Variants in ANGPT1 observed in about 807,000 individuals in gnomAD.
ANGPT1 encodes the protein angiopoietin 1.
ANGPT1 carries 17 observed loss-of-function variants against 62.2 expected under a neutral mutation model. That is an observed-to-expected ratio of 0.27 (90% CI 0.19 to 0.41). The LOEUF (loss-of-function observed/expected upper bound fraction) is 0.41, where lower values mean the gene tolerates loss of function less well. Among genes scored for constraint, ANGPT1 ranks in the 10% least tolerant of loss-of-function variants. The pLI is 1.00. For synonymous variants in ANGPT1, 199 were observed against 198.9 expected, an observed-to-expected ratio of 1.00 and a Z score of 0.00; for missense variants, 478 against 594.9, an observed-to-expected ratio of 0.80 and a Z score of 2.04.
chr8:107,476,682 T>C (rs1812541372), intron 1 of ANGPT1, among the ~76,000 whole-genome samples: 1 of 152,164 alleles, frequency 6.6e-6, no homozygotes, highest in African/African-American at 2.4e-5. Context: ...TCTCATGTTA[T>C]GTAATATTAA....
At chr8:107,402,622 T>A (rs1418644437) in intron 1 of ANGPT1, among the ~76,000 whole-genome samples, 1 of 152,104 alleles carries the variant, frequency 6.6e-6, no homozygotes, top group African/African-American at 2.4e-5. Flanking sequence ...ATTTTACAGA[T>A]GAGCCAACTA....
chr8:107,294,069 A>C (rs951900063), intron 5 of ANGPT1, 32 bp from the exon 6 acceptor site: 2 of 1,537,232 alleles, frequency 1.3e-6, no homozygotes, highest in Non-Finnish European at 1.8e-6. Flanking sequence ...CAAGTAAAAA[A>C]TACTTCTACT....
At chr8:107,450,732 A>G (rs1046217160) in intron 1 of ANGPT1, among the ~76,000 whole-genome samples, 3 of 86,680 alleles carry the variant, frequency 3.5e-5, no homozygotes, top group South Asian at 3.8e-4. Context: ...GTGTGTGTGC[A>G]TGTGTGCATG....
At chr8:107,400,203 AT>A (rs1181784133) in intron 1 of ANGPT1, among the ~76,000 whole-genome samples, 5 of 152,188 alleles carry the variant, frequency 3.3e-5, no homozygotes, top group African/African-American at 1.2e-4. Flanking sequence ...TTCAAAGTAC[AT>A]TTGGTAAGTT....
intron 1 of ANGPT1, among the ~76,000 whole-genome samples, chr8:107,465,265 G>C (rs28521936): frequency 0.019 from 2,905 of 152,188 alleles, 76 homozygotes; most frequent in African/African-American, 0.064. Flanking sequence ...AAAAACAAAT[G>C]CATTGTTAAA....
chr8:107,319,145 T>A (rs1815092754), intron 4 of ANGPT1, among the ~76,000 whole-genome samples: 1 of 152,212 alleles, frequency 6.6e-6, no homozygotes, highest in South Asian at 2.1e-4. Context: ...AGCAATGGGA[T>A]CTTCGCTTGT....
intron 1 of ANGPT1, among the ~76,000 whole-genome samples, chr8:107,452,677 A>C (rs929650632): frequency 3.9e-5 from 6 of 152,062 alleles, no homozygotes; most frequent in Non-Finnish European, 7.4e-5. Context: ...AATTTTAAAA[A>C]ATACTTATAT....
chr8:107,440,961 C>T lies in ANGPT1; in HGVS notation c.297+56301G>A, dbSNP rs186314269. ...TCACCTTTTATGTACTTGGATAAAA[C>T]CAAAGGAAAGGAAATAAATCTAGCA... On this transcript the variant is annotated intron_variant, in intron 1 of 8. Coordinates refer to ENST00000517746, the MANE Select transcript of ANGPT1 (RefSeq NM_001146.5). Among the ~76,000 whole-genome samples, 5 of 152,224 alleles carry T rather than the reference C, an allele frequency of 3.3e-5. No individual in the cohort carries two copies. The East Asian group carries it at 9.7e-4, about 29-fold the overall frequency.
intron 1 of ANGPT1, among the ~76,000 whole-genome samples, chr8:107,352,005 AG>A: frequency 6.6e-6 from 1 of 152,274 alleles, no homozygotes; most frequent in Non-Finnish European, 1.5e-5. Context: ...AGGGAAGTTA[AG>A]TAAACTGTCT....
intron 1 of ANGPT1, among the ~76,000 whole-genome samples, chr8:107,425,663 C>T (rs1008326791): frequency 1.3e-5 from 2 of 152,170 alleles, no homozygotes; most frequent in African/African-American, 4.8e-5. Flanking sequence ...AGAGGCCGAT[C>T]CTGGGGTTAT....
At chr8:107,431,525 C>G (rs905350363) in intron 1 of ANGPT1, among the ~76,000 whole-genome samples, 2 of 152,192 alleles carry the variant, frequency 1.3e-5, no homozygotes, top group Non-Finnish European at 2.9e-5. Context: ...GTCCCGGAGC[C>G]TTGCACAGGC....
intron 6 of ANGPT1, among the ~76,000 whole-genome samples, chr8:107,285,243 T>C (rs1208402584): frequency 1.3e-5 from 2 of 152,170 alleles, no homozygotes; most frequent in African/African-American, 4.8e-5. Context: ...GAGAGTGATA[T>C]TAGACAAGTT....
At chr8:107,330,009 T>C (rs140054324) in intron 3 of ANGPT1, among the ~76,000 whole-genome samples, 1,721 of 152,204 alleles carry the variant, frequency 0.011, 22 homozygotes, top group Middle Eastern at 0.02. Flanking sequence ...ATCTATCTGG[T>C]AGAGCCAGAG....
At chr8:107,442,696 G>T (rs1811515197) in intron 1 of ANGPT1, among the ~76,000 whole-genome samples, 1 of 152,070 alleles carries the variant, frequency 6.6e-6, no homozygotes, top group Non-Finnish European at 1.5e-5. Context: ...TAGTAGTTTT[G>T]GTTTATTGCT....
At chr8:107,288,527 TC>T (rs1243411272) in intron 6 of ANGPT1, among the ~76,000 whole-genome samples, 1 of 151,970 alleles carries the variant, frequency 6.6e-6, no homozygotes, top group Non-Finnish European at 1.5e-5. Flanking sequence ...GATGGTTAGG[TC>T]CCCCGTGAAG....
At chr8:107,466,514 C>T (rs1371244613) in intron 1 of ANGPT1, among the ~76,000 whole-genome samples, 1 of 152,086 alleles carries the variant, frequency 6.6e-6, no homozygotes, top group African/African-American at 2.4e-5. Flanking sequence ...ACTTCATACA[C>T]TCTGTGTAGG....
Position 107,264,207 on chromosome 8 carries a change from C to G in ANGPT1, c.1336+14G>C. 1 of 1,609,070 alleles carries G rather than the reference C, an allele frequency of 6.2e-7. No homozygotes were observed. Among genetic ancestry groups the G allele is most frequent in the African/African-American group, 1.3e-5 (1 of 74,706 alleles). On this transcript the variant is annotated intron_variant, in intron 8 of 8. Coordinates refer to ENST00000517746, the MANE Select transcript of ANGPT1 (RefSeq NM_001146.5). ...AATGAAACATAGCTTAGAGAATGGC[C>G]CCATAGGACTTACCTCCTGTTAACA... is the stretch of plus-strand genomic sequence containing the variant.
chr8:107,431,837 C>T (rs1187243272), intron 1 of ANGPT1, among the ~76,000 whole-genome samples: 2 of 151,992 alleles, frequency 1.3e-5, no homozygotes, highest in Non-Finnish European at 2.9e-5. Flanking sequence ...GCAGATGACC[C>T]AGTGGTTTAA....
intron 4 of ANGPT1, among the ~76,000 whole-genome samples, chr8:107,305,646 G>T (rs1446527446): frequency 1.3e-5 from 2 of 151,854 alleles, no homozygotes; most frequent in Non-Finnish European, 2.9e-5. Context: ...CCATCAAAAG[G>T]TACACCTAGT....
Sources: allele counts gnomAD v4.1 joint callset (sites outside exome capture counted in the v4.1 genomes callset), GRCh38; gene constraint gnomAD v4.1.1; transcripts MANE v1.5; gene names NCBI Gene and HGNC (gene_info 2026-07-23, HGNC 2026-07-21).